The following PCLO variants were observed in gnomAD, a reference collection of about 807,000 sequenced individuals.
The protein encoded by PCLO is piccolo presynaptic cytomatrix protein.
A neutral mutation model predicts 427.5 loss-of-function variants in PCLO; 82 were observed. That is an observed-to-expected ratio of 0.19 (90% CI 0.16 to 0.23). The LOEUF is 0.23. PCLO is among the 10% of genes least tolerant of loss of function. PCLO has a pLI of 1.00. For missense variants in PCLO, 6,239 were observed against 6,115.9 expected (o/e 1.02, Z -0.67); for synonymous variants, 2,357 against 2,155.4 (o/e 1.09, Z -2.59).
intron 22 of PCLO, among the ~76,000 whole-genome samples, chr7:82,773,213 C>T (rs1391055253): frequency 6.6e-6 from 1 of 152,098 alleles, no homozygotes; most frequent in Admixed American, 6.6e-5. Context: ...GTCATATAAC[C>T]CATTTAGAAA....
At chr7:83,143,257 C>CA (rs144090372) in intron 2 of PCLO, among the ~76,000 whole-genome samples, 17,495 of 152,126 alleles carry the variant, frequency 0.12, 1,141 homozygotes, top group South Asian at 0.16. Flanking sequence ...CCGACAGAGG[C>CA]AGTTACTCCC....
chr7:83,125,178 C>G (rs944490320), intron 3 of PCLO, among the ~76,000 whole-genome samples: 1 of 152,124 alleles, frequency 6.6e-6, no homozygotes, highest in African/African-American at 2.4e-5. Flanking sequence ...GCCGCCACCC[C>G]GTCTAGGAAG....
chr7:82,871,468 G>C (rs1042236195), intron 10 of PCLO, among the ~76,000 whole-genome samples: 1 of 151,844 alleles, frequency 6.6e-6, no homozygotes, highest in African/African-American at 2.4e-5. Flanking sequence ...GTGTGGAGGG[G>C]GGAATGATGA....
At chr7:83,031,634 T>C (rs75113498) in intron 3 of PCLO, among the ~76,000 whole-genome samples, 1,597 of 152,230 alleles carry the variant, frequency 0.01, 21 homozygotes, top group African/African-American at 0.036. Context: ...AGTGCACCTG[T>C]AATGATTGAC....
intron 1 of PCLO, among the ~76,000 whole-genome samples, chr7:83,157,147 C>T (rs996915515): frequency 1.3e-5 from 2 of 152,112 alleles, no homozygotes; most frequent in Admixed American, 1.3e-4. Flanking sequence ...TGGGGATTAT[C>T]CCCATGCCTC....
intron 3 of PCLO, among the ~76,000 whole-genome samples, chr7:82,994,244 AACAGAT>A (rs1796443101): frequency 1.3e-5 from 2 of 152,006 alleles, no homozygotes; most frequent in South Asian, 4.1e-4. Flanking sequence ...ACAGTGAACA[AACAGAT>A]ACAATTTAAG....
intron 3 of PCLO, among the ~76,000 whole-genome samples, chr7:83,047,341 T>A (rs1789128184): frequency 6.6e-6 from 1 of 152,146 alleles, no homozygotes; most frequent in Non-Finnish European, 1.5e-5. Context: ...GATGTATGAT[T>A]AATTTTTAGG....
chr7:82,802,335 A>G (rs4348435), intron 21 of PCLO, among the ~76,000 whole-genome samples: 122,063 of 151,912 alleles, frequency 0.8, 49,359 homozygotes, highest in East Asian at 0.93. Flanking sequence ...AATAAACATG[A>G]CATATTAACA....
chr7:83,089,183 T>G (rs1343714237), intron 3 of PCLO, among the ~76,000 whole-genome samples: 1 of 152,158 alleles, frequency 6.6e-6, no homozygotes, highest in East Asian at 1.9e-4. Flanking sequence ...TTTAAATATT[T>G]TTTTATGTTT....
chr7:82,863,533 T>C (rs948798015), intron 10 of PCLO, among the ~76,000 whole-genome samples: 1 of 151,922 alleles, frequency 6.6e-6, no homozygotes, highest in Middle Eastern at 3.5e-3. Flanking sequence ...AAGTTATCAA[T>C]CTCTTTAATA....
intron 6 of PCLO, among the ~76,000 whole-genome samples, chr7:82,919,953 T>G (rs1165153247): frequency 6.6e-6 from 1 of 151,874 alleles, no homozygotes; most frequent in Admixed American, 6.6e-5. Flanking sequence ...AGATTTAAAT[T>G]TAAGCATGTG....
chr7:82,967,538 A>G (rs767628130), intron 3 of PCLO, among the ~76,000 whole-genome samples: 5 of 152,116 alleles, frequency 3.3e-5, no homozygotes, highest in Non-Finnish European at 7.4e-5. Flanking sequence ...TAAATCAACT[A>G]ATAGGGTCTT....
At chr7:83,048,611 A>G (rs1387511735) in intron 3 of PCLO, among the ~76,000 whole-genome samples, 1 of 152,174 alleles carries the variant, frequency 6.6e-6, no homozygotes, top group Admixed American at 6.6e-5. Flanking sequence ...AATTTACTTG[A>G]CATTCTTTAA....
chr7:82,879,736 C>T, intron 9 of PCLO: 1 of 441,918 alleles, frequency 2.3e-6, no homozygotes, highest in Non-Finnish European at 4.2e-6. Flanking sequence ...CAGGACTTGC[C>T]AATTTTTGAC....
At chr7:83,108,174 A>G (rs1338682384) in intron 3 of PCLO, among the ~76,000 whole-genome samples, 1 of 152,098 alleles carries the variant, frequency 6.6e-6, no homozygotes, top group East Asian at 1.9e-4. Flanking sequence ...AGAGAAAAAA[A>G]TCTCTAAGAA....
At chr7:83,034,687 T>C (rs1283181733) in intron 3 of PCLO, among the ~76,000 whole-genome samples, 1 of 152,250 alleles carries the variant, frequency 6.6e-6, no homozygotes, top group Non-Finnish European at 1.5e-5. Flanking sequence ...TTGTTCAACA[T>C]TGACCATATT....
chr7:82,916,056 TTTGAGG>T lies in PCLO; in HGVS notation c.11924_11929del (p.Thr3975_Ser3976del). ...GGGTTGGTTGCGAATCACTTCATAG[TTTGAGG>T]TTATCTTGGGCTCCAAATATAATGT... On this transcript the variant is annotated inframe_deletion, in exon 7 of 25. Transcript: ENST00000333891. 6.2e-7 allele frequency: 1 copy of T among 1,613,166 alleles called. No individual in the cohort carries two copies. Among genetic ancestry groups the T allele is most frequent in the Non-Finnish European group, 8.5e-7 (1 of 1,179,744 alleles).
At chr7:83,041,249 C>A (rs1039894807) in intron 3 of PCLO, among the ~76,000 whole-genome samples, 2 of 152,046 alleles carry the variant, frequency 1.3e-5, no homozygotes, top group African/African-American at 4.8e-5. Context: ...AATAAAGATT[C>A]AGTCAGACAT....
intron 16 of PCLO, among the ~76,000 whole-genome samples, chr7:82,829,948 AG>A (rs1792051123): frequency 6.6e-6 from 1 of 152,066 alleles, no homozygotes; most frequent in African/African-American, 2.4e-5. Flanking sequence ...TCTTGAAAAA[AG>A]TTTTGATCAA....
Sources: gnomAD v4.1 joint callset for allele counts (sites outside exome capture counted in the v4.1 genomes callset) on GRCh38, gnomAD v4.1.1 for gene constraint, MANE v1.5 for transcripts, NCBI Gene and HGNC (gene_info 2026-07-23, HGNC 2026-07-21) for gene names.